GOLM2: variants seen among roughly 807,000 people sequenced by gnomAD.
GOLM2 encodes golgi membrane protein 2.
GOLM2 carries 26 observed loss-of-function variants against 55.9 expected under a neutral mutation model. The observed-to-expected ratio is 0.47, with a 90% confidence interval of 0.34 to 0.65. The LOEUF is 0.65. Among genes scored for constraint, GOLM2 ranks in the 30% least tolerant of loss-of-function variants. The pLI is 0.01. For synonymous variants in GOLM2, 165 were observed against 194.6 expected (o/e 0.85, Z 1.27); for missense variants, 486 against 531.8 (o/e 0.91, Z 0.85).
At chr15:44,358,939 G>A (rs573560133) in intron 6 of GOLM2, among the ~76,000 whole-genome samples, 107 of 152,078 alleles carry the variant, frequency 7.0e-4, no homozygotes, top group African/African-American at 2.2e-3. Context: ...GGCAGATCAC[G>A]AGGTCAGGAG....
intron 1 of GOLM2, among the ~76,000 whole-genome samples, chr15:44,317,046 T>G (rs1472191648): frequency 6.6e-6 from 1 of 152,086 alleles, no homozygotes; most frequent in African/African-American, 2.4e-5. Flanking sequence ...TTCCAATGTA[T>G]AAGAATATGA....
chr15:44,391,276 A>C (rs1325477301), intron 8 of GOLM2, among the ~76,000 whole-genome samples: 2 of 152,066 alleles, frequency 1.3e-5, no homozygotes, highest in Non-Finnish European at 2.9e-5. Flanking sequence ...GCACTTTGGG[A>C]GGCTGAGGCG....
At position 44,333,076 on chromosome 15, in the gene GOLM2, G is replaced by A. The variant is rs567546466; in HGVS notation, c.576+998G>A. 2.4e-3 allele frequency among the ~76,000 whole-genome samples: 361 copies of A among 152,216 alleles called. 2 individuals carry two copies. Among genetic ancestry groups the A allele is most frequent in the Non-Finnish European group, 3.6e-3 (243 of 68,016 alleles). ...GCCTCCCGAGTAGCTCGGACTACAGGCGCCTGCCACCACGCCCGGCTAATT... is the reference window on the plus strand; with the variant it reads ...GCCTCCCGAGTAGCTCGGACTACAGACGCCTGCCACCACGCCCGGCTAATT... On this transcript the variant is annotated intron_variant, in intron 4 of 9. Transcript: ENST00000299957.
intron 6 of GOLM2, among the ~76,000 whole-genome samples, chr15:44,345,091 G>T (rs1202752923): frequency 6.6e-6 from 1 of 151,516 alleles, no homozygotes; most frequent in African/African-American, 2.4e-5. Flanking sequence ...AATTACAGGC[G>T]TGAGCCACCG....
intron 6 of GOLM2, among the ~76,000 whole-genome samples, chr15:44,344,720 G>A (rs1043996900): frequency 6.6e-6 from 1 of 151,746 alleles, no homozygotes; most frequent in Non-Finnish European, 1.5e-5. Flanking sequence ...CTTCTAGAGG[G>A]GCTGCGATTA....
chr15:44,399,541 C>G (rs903577593), intron 8 of GOLM2, among the ~76,000 whole-genome samples: 1 of 151,948 alleles, frequency 6.6e-6, no homozygotes, highest in Non-Finnish European at 1.5e-5. Context: ...CATCAAACAC[C>G]TAAAAAAAGG....
intron 4 of GOLM2, among the ~76,000 whole-genome samples, chr15:44,335,646 A>C (rs2079051308): frequency 6.6e-6 from 1 of 152,114 alleles, no homozygotes; most frequent in Non-Finnish European, 1.5e-5. Flanking sequence ...GTTTATATTG[A>C]CATGTTCAAA....
chr15:44,387,888 T>G (rs892266340), intron 8 of GOLM2, among the ~76,000 whole-genome samples: 2 of 152,160 alleles, frequency 1.3e-5, no homozygotes, highest in African/African-American at 2.4e-5. Flanking sequence ...TAGACTCTTA[T>G]GATGATTTTC....
At chr15:44,349,877 T>C (rs1380582366) in intron 6 of GOLM2, among the ~76,000 whole-genome samples, 1 of 152,144 alleles carries the variant, frequency 6.6e-6, no homozygotes, top group Non-Finnish European at 1.5e-5. Flanking sequence ...AATTAAACAA[T>C]ATGCTCCTGA....
rs535234547 is a variant in GOLM2 at position 44,396,668 on chromosome 15, C to T, written c.1073-6219C>T. ...GTGTTGTTTAGCGTGAATTGAAAAG[C>T]GCGTTAAATGCCTAATTAGGTGATG... is the stretch of plus-strand genomic sequence containing the variant. On this transcript the variant is annotated intron_variant, in intron 8 of 9. Coordinates refer to ENST00000299957, the MANE Select transcript of GOLM2 (RefSeq NM_138423.4). Among the ~76,000 whole-genome samples, 16 of 152,186 alleles carry T rather than the reference C, an allele frequency of 1.1e-4. No individual in the cohort carries two copies. In the South Asian group the frequency reaches 2.5e-3, roughly 24 times the overall value.
intron 1 of GOLM2, among the ~76,000 whole-genome samples, chr15:44,295,792 C>T (rs1482904074): frequency 2.0e-5 from 3 of 152,084 alleles, no homozygotes; most frequent in African/African-American, 7.2e-5. Context: ...CCCACTGTAA[C>T]TTAAGCACTT....
intron 9 of GOLM2, among the ~76,000 whole-genome samples, chr15:44,413,118 T>C (rs926330635): frequency 5.3e-5 from 8 of 152,238 alleles, no homozygotes; most frequent in Non-Finnish European, 7.3e-5. Context: ...CTGTCATCTA[T>C]GTCTATTTTC....
At chr15:44,325,837 G>A (rs555342535) in intron 2 of GOLM2, among the ~76,000 whole-genome samples, 96 of 152,298 alleles carry the variant, frequency 6.3e-4, no homozygotes, top group Admixed American at 1.6e-3. Context: ...TGTATCTTAG[G>A]AGATGGAGAC....
chr15:44,395,408 A>T (rs187920995), intron 8 of GOLM2, among the ~76,000 whole-genome samples: 4 of 152,102 alleles, frequency 2.6e-5, no homozygotes, highest in Non-Finnish European at 4.4e-5. Flanking sequence ...GTTTCCTTTG[A>T]CTTATAGTAC....
chr15:44,375,390 C>G (rs1000503158), intron 6 of GOLM2, among the ~76,000 whole-genome samples: 1 of 152,174 alleles, frequency 6.6e-6, no homozygotes, highest in Non-Finnish European at 1.5e-5. Context: ...TTTCCCCAAA[C>G]TTTCATTGTT....
chr15:44,310,421 A>G (rs930248379), intron 1 of GOLM2, among the ~76,000 whole-genome samples: 1 of 145,696 alleles, frequency 6.9e-6, no homozygotes, highest in Non-Finnish European at 1.5e-5. Context: ...CTTGGGCAAC[A>G]TAGTGAGAGT....
chr15:44,301,912 C>CA (rs879475681), intron 1 of GOLM2, among the ~76,000 whole-genome samples: 3,340 of 110,768 alleles, frequency 0.03, 115 homozygotes, highest in African/African-American at 0.092. Context: ...GACCCTCTCT[C>CA]AAAAAAAAAA....
chr15:44,318,920 G>A (rs867665370), intron 1 of GOLM2, among the ~76,000 whole-genome samples: 2 of 152,080 alleles, frequency 1.3e-5, no homozygotes. Flanking sequence ...AGAATGTTAA[G>A]TGTTTTTCAT....
intron 8 of GOLM2, among the ~76,000 whole-genome samples, chr15:44,383,200 CCT>C (rs1239541332): frequency 6.6e-6 from 1 of 151,612 alleles, no homozygotes; most frequent in East Asian, 1.9e-4. Flanking sequence ...ACTTAGGTCT[CCT>C]CTCATTGTTT....
Sources: allele counts gnomAD v4.1 joint callset (sites outside exome capture counted in the v4.1 genomes callset), GRCh38; gene constraint gnomAD v4.1.1; transcripts MANE v1.5; gene names NCBI Gene and HGNC (gene_info 2026-07-23, HGNC 2026-07-21).